CLVS1: variants seen among roughly 807,000 people sequenced by gnomAD.
The protein encoded by CLVS1 is clavesin-1.
A neutral mutation model predicts 33.1 loss-of-function variants in CLVS1; 10 were observed. The ratio of observed to expected loss-of-function variants is 0.30; its 90% confidence interval spans 0.19 to 0.51. The LOEUF (loss-of-function observed/expected upper bound fraction) is 0.51, where lower values mean the gene tolerates loss of function less well. CLVS1 is among the 20% of genes least tolerant of loss of function. The probability of loss-of-function intolerance (pLI) is 0.97; values close to 1 mark genes in which losing one functional copy is unlikely to be tolerated. For synonymous variants in CLVS1, 163 were observed against 166.1 expected (o/e 0.98, Z 0.14); for missense variants, 343 against 433.4 (o/e 0.79, Z 1.85).
Position 61,441,667 on chromosome 8 carries a change from C to T in CLVS1, c.631-12474C>T, listed in dbSNP as rs73685037. ...CCAGCAGAAACTGAGCCAACGGCCA[C>T]GGGTGACATCTGTATCTGATTGTTG... On this transcript the variant is annotated intron_variant, in intron 3 of 5. Coordinates refer to ENST00000325897, the MANE Select transcript of CLVS1 (RefSeq NM_173519.3). 7.6e-3 allele frequency among the ~76,000 whole-genome samples: 1,161 copies of T among 152,236 alleles called. 18 individuals carry two copies. The highest frequency in any genetic ancestry group is 0.027 in the African/African-American group (1,111 of 41,532).
the CLVS1 span, among the ~76,000 whole-genome samples, chr8:61,019,503 T>TC: frequency 6.6e-6 from 1 of 152,138 alleles, no homozygotes; most frequent in Non-Finnish European, 1.5e-5. Flanking sequence ...AACTCAACAA[T>TC]CACTAAGGTC....
rs905316793 is a variant in CLVS1, at chr8:61,500,309, A to C, written c.*767A>C. 6.6e-6 allele frequency: 1 copy of C among 152,156 alleles called. No homozygotes were observed. The highest frequency in any genetic ancestry group is 2.4e-5 in the African/African-American group (1 of 41,418). 9.4% of individuals were successfully genotyped at this position (152,156 alleles called of 1,614,324 possible). On this transcript the variant is annotated 3_prime_UTR_variant, in exon 6 of 6. Transcript: ENST00000325897. ...AGTGCAGCATGTGTCTGCAGAGGAG[A>C]TGTCTCATGAAAATCACATGTCAGT...
chr8:61,262,444 G>A lies in CLVS1; in HGVS notation c.-151-37233G>A, dbSNP rs114104867. Reference sequence around the variant, plus strand: ...TCAGATACTCAGCAGGCAGAAGTAGGAGGATTGCTTGAGCTGAGAAGTTCA... The same window carrying A: ...TCAGATACTCAGCAGGCAGAAGTAGAAGGATTGCTTGAGCTGAGAAGTTCA... On this transcript the variant is annotated intron_variant, in intron 2 of 2. Coordinates refer to the CLVS1 transcript ENST00000522621. Among the ~76,000 whole-genome samples, 684 of 152,224 alleles carry A rather than the reference G, an allele frequency of 4.5e-3. 10 individuals carry two copies. Among genetic ancestry groups the A allele is most frequent in the African/African-American group, 0.016 (656 of 41,544 alleles).
At chr8:61,315,359 T>C (rs1289351840) in intron 2 of CLVS1, among the ~76,000 whole-genome samples, 5 of 152,150 alleles carry the variant, frequency 3.3e-5, no homozygotes, top group African/African-American at 1.2e-4. Flanking sequence ...CTGTTTACCT[T>C]TTAGTACCTT....
intron 2 of CLVS1, among the ~76,000 whole-genome samples, chr8:61,177,445 C>T (rs1023011895): frequency 6.6e-6 from 1 of 152,136 alleles, no homozygotes; most frequent in African/African-American, 2.4e-5. Context: ...AGTAAGATTC[C>T]CCCCAGTGCG....
the CLVS1 span, among the ~76,000 whole-genome samples, chr8:61,035,977 C>T: frequency 1.3e-5 from 2 of 152,136 alleles, no homozygotes. Flanking sequence ...CAGGCACAGC[C>T]TCCACAGACT....
rs551112733 is a variant in CLVS1 at position 61,184,461 on chromosome 8, T to G, written c.-152+52601T>G. ...CAGGCGTGGGAGGCACAGTAGATCC[T>G]CTGAAATGGCACAGAAGCAAACTTC... On this transcript the variant is annotated intron_variant, in intron 2 of 2. Transcript: ENST00000522621. Among the ~76,000 whole-genome samples the G allele has an allele frequency of 2.0e-5, 3 of 152,294 alleles. No homozygotes were observed. In the South Asian group the frequency reaches 6.2e-4, roughly 32 times the overall value.
intron 2 of CLVS1, among the ~76,000 whole-genome samples, chr8:61,265,047 T>A (rs1809277935): frequency 6.6e-6 from 1 of 152,160 alleles, no homozygotes; most frequent in African/African-American, 2.4e-5. Context: ...TTTATTTCCA[T>A]GCTTGGGGTC....
intron 2 of CLVS1, among the ~76,000 whole-genome samples, chr8:61,213,163 C>A (rs900156438): frequency 3.3e-5 from 5 of 151,268 alleles, no homozygotes; most frequent in Non-Finnish European, 7.4e-5. Flanking sequence ...TTAGTGTCAC[C>A]CCTTGGGGAT....
chr8:61,100,863 T>C (rs1805435746), intron 1 of CLVS1, among the ~76,000 whole-genome samples: 2 of 152,192 alleles, frequency 1.3e-5, no homozygotes, highest in Non-Finnish European at 2.9e-5. Context: ...CTTAACATAA[T>C]ATTTTGAAGG....
At chr8:61,282,763 C>A (rs993159067) in intron 2 of CLVS1, among the ~76,000 whole-genome samples, 1 of 152,182 alleles carries the variant, frequency 6.6e-6, no homozygotes, top group Non-Finnish European at 1.5e-5. Flanking sequence ...AAGTTCCCAT[C>A]TGATAAAGTA....
chr8:61,458,396 T>C lies in CLVS1; in HGVS notation c.831T>C (p.Pro277=). 1 of 1,614,122 alleles carries C rather than the reference T, an allele frequency of 6.2e-7. No individual in the cohort carries two copies. Among genetic ancestry groups the C allele is most frequent in the South Asian group, 1.1e-5 (1 of 91,082 alleles). Residue 277 remains proline (P), a synonymous_variant, in exon 5 of 6, where the codon CCT becomes CCC. Transcript: ENST00000325897. Reference sequence around the variant, plus strand: ...CTGAATTTGGAGGAACTCTTCCTCCTTATGACATGGGAACTTGGGCCCGGA... The same window carrying C: ...CTGAATTTGGAGGAACTCTTCCTCCCTATGACATGGGAACTTGGGCCCGGA... The part of the protein sequence containing the change: ...LPSEFGGTLP[P]YDMGTWARTL...
intron 2 of CLVS1, among the ~76,000 whole-genome samples, chr8:61,151,637 C>T (rs1228350259): frequency 6.6e-6 from 1 of 152,138 alleles, no homozygotes; most frequent in Non-Finnish European, 1.5e-5. Flanking sequence ...ACCCGGGCCC[C>T]AGGTGTGCCT....
the CLVS1 span, among the ~76,000 whole-genome samples, chr8:60,974,082 A>C: frequency 6.6e-6 from 1 of 152,022 alleles, no homozygotes; most frequent in African/African-American, 2.4e-5. Flanking sequence ...GGGAAATTTT[A>C]TGTTTTTATT....
intron 1 of CLVS1, among the ~76,000 whole-genome samples, chr8:61,117,514 T>G (rs1805752789): frequency 6.6e-6 from 1 of 150,786 alleles, no homozygotes; most frequent in Non-Finnish European, 1.5e-5. Flanking sequence ...GGGTTTGTCA[T>G]AGATAGCTCT....
chr8:61,139,593 A>C (rs2054790024), intron 2 of CLVS1, among the ~76,000 whole-genome samples: 1 of 151,948 alleles, frequency 6.6e-6, no homozygotes, highest in Non-Finnish European at 1.5e-5. Context: ...CCCGTGCAGA[A>C]GGGAGGGCGC....
intron 2 of CLVS1, among the ~76,000 whole-genome samples, chr8:61,149,413 G>A (rs1310722716): frequency 6.6e-6 from 1 of 151,806 alleles, no homozygotes; most frequent in Non-Finnish European, 1.5e-5. Flanking sequence ...TTAACCAGGT[G>A]TGGTGGTGCA....
chr8:61,121,912 C>A (rs573022910), intron 1 of CLVS1, among the ~76,000 whole-genome samples: 3 of 152,054 alleles, frequency 2.0e-5, no homozygotes, highest in Non-Finnish European at 4.4e-5. Flanking sequence ...GTGTTTCCTT[C>A]GAGAAAAAAA....
intron 3 of CLVS1, among the ~76,000 whole-genome samples, chr8:61,388,233 C>T (rs1466437773): frequency 1.3e-5 from 2 of 151,562 alleles, no homozygotes; most frequent in Admixed American, 1.3e-4. Context: ...ACTTTCAAAA[C>T]CATAGATCAG....
Sources: allele counts gnomAD v4.1 joint callset (sites outside exome capture counted in the v4.1 genomes callset), GRCh38; gene constraint gnomAD v4.1.1; transcripts MANE v1.5; gene names NCBI Gene and HGNC (gene_info 2026-07-23, HGNC 2026-07-21).